Variants in CDHR2 observed in about 807,000 individuals in gnomAD.
CDHR2 encodes cadherin-related family member 2.
Under a neutral mutation model 138.6 loss-of-function variants are expected in CDHR2, and 104 were observed. That is an observed-to-expected ratio of 0.75 (90% CI 0.64 to 0.88). CDHR2 has a LOEUF of 0.88. Ranked by LOEUF, CDHR2 falls within the 40% of genes least tolerant of loss-of-function variation. CDHR2 has a pLI of 0.00. For missense variants in CDHR2, 1,624 were observed against 1,727.6 expected, an observed-to-expected ratio of 0.94 and a Z score of 1.06; for synonymous variants, 755 against 742.8, an observed-to-expected ratio of 1.02 and a Z score of -0.27.
At chr5:176,558,103 A>G (rs1757882304) in intron 1 of CDHR2, among the ~76,000 whole-genome samples, 2 of 152,070 alleles carry the variant, frequency 1.3e-5, no homozygotes, top group African/African-American at 4.8e-5. Flanking sequence ...TCCATCGACC[A>G]TGGGAACGGG....
At position 176,592,765 on chromosome 5, in the gene CDHR2, C is replaced by G; in HGVS notation, c.3777C>G (p.Asn1259Lys). ...LDDNSVDVDK[N>K]SQEIKEHRPP... ...ACAACTCTGTGGATGTGGACAAGAA[C>G]AGTCAGGAAATCAAGGCAAGATGGG... The change falls in exon 31 of 32, where the codon AAC (asparagine) becomes AAG (lysine). Residue 1259 changes from asparagine to lysine, a missense_variant. Around this residue, in one of 3 missense-constraint regions of CDHR2, gnomAD observed 556 missense variants for 565.7 expected, o/e 0.98. Coordinates refer to ENST00000261944, the MANE Select transcript of CDHR2 (RefSeq NM_017675.6). 1 of 1,613,830 alleles carries G rather than the reference C, an allele frequency of 6.2e-7. No individual in the cohort carries two copies. Among genetic ancestry groups the G allele is most frequent in the Non-Finnish European group, 8.5e-7 (1 of 1,179,834 alleles).
chr5:176,544,237 G>A (rs1757530015), intron 1 of CDHR2, among the ~76,000 whole-genome samples: 1 of 152,248 alleles, frequency 6.6e-6, no homozygotes, highest in African/African-American at 2.4e-5. Flanking sequence ...GCCACCTAAA[G>A]GAGAGCTTTA....
In CDHR2 at chr5:176,577,805, G is replaced by C; in HGVS notation, c.1512+7G>C. 2 of 1,613,796 alleles carry C rather than the reference G, an allele frequency of 1.2e-6. No homozygotes were observed. Among genetic ancestry groups the C allele is most frequent in the Non-Finnish European group, 1.7e-6 (2 of 1,179,816 alleles). ...GGTCACCGACAGCATCCACGTGAGT[G>C]ATGTGGACACAGTGGGGCTGTGGGG... On this transcript the variant is annotated splice_region_variant and intron_variant, in intron 14 of 31. Transcript: ENST00000261944.
At chr5:176,574,338 C>T (rs572426554) in intron 7 of CDHR2, among the ~76,000 whole-genome samples, 166 bp downstream of exon 7, 9 of 152,196 alleles carry the variant, frequency 5.9e-5, no homozygotes, top group Admixed American at 2.6e-4. Flanking sequence ...CCGGAAACCT[C>T]GCCTTGCCCG....
chr5:176,574,500 C>T (rs1014597772), intron 7 of CDHR2, among the ~76,000 whole-genome samples: 1 of 152,212 alleles, frequency 6.6e-6, no homozygotes, highest in Non-Finnish European at 1.5e-5. Context: ...TACCGAGCAC[C>T]AACCACGTGC....
At chr5:176,555,819 T>C (rs532523061) in intron 1 of CDHR2, among the ~76,000 whole-genome samples, 13 of 152,184 alleles carry the variant, frequency 8.5e-5, no homozygotes, top group African/African-American at 3.1e-4. Flanking sequence ...CAGACTCGGT[T>C]GAACCCGGGA....
chr5:176,586,028 A>G lies in CDHR2; in HGVS notation c.2806+3A>G. On this transcript the variant is annotated splice_donor_region_variant and intron_variant, in intron 20 of 31. Transcript: ENST00000261944. Reference sequence around the variant, plus strand: ...TCTGCCTGAGAATAAGACTTTTGGTAAGCAGCAACCCCATTCACACACCAT... The same window carrying G: ...TCTGCCTGAGAATAAGACTTTTGGTGAGCAGCAACCCCATTCACACACCAT... The G allele has an allele frequency of 6.2e-7, 1 of 1,613,074 alleles. No individual in the cohort carries two copies. Among genetic ancestry groups the G allele is most frequent in the Non-Finnish European group, 8.5e-7 (1 of 1,179,090 alleles).
At chr5:176,551,672 G>GACT (rs1757707205) in intron 1 of CDHR2, among the ~76,000 whole-genome samples, 1 of 147,746 alleles carries the variant, frequency 6.8e-6, no homozygotes, top group African/African-American at 2.5e-5. Context: ...TATTGGCCTG[G>GACT]ACTGCCACCA....
intron 30 of CDHR2, among the ~76,000 whole-genome samples, chr5:176,592,047 G>A (rs902022819): frequency 2.7e-5 from 4 of 149,174 alleles, no homozygotes; most frequent in African/African-American, 9.9e-5. Context: ...TGATGGTGGT[G>A]GTCATGGTGG....
intron 3 of CDHR2, 114 bp downstream of exon 3, chr5:176,565,857 A>T: frequency 1.3e-6 from 1 of 750,252 alleles, no homozygotes; most frequent in Non-Finnish European, 2.2e-6. Flanking sequence ...TTGTGGGACA[A>T]AGAGGGACTG....
In CDHR2 at chr5:176,553,900, A is replaced by C. The variant is rs1440257797; in HGVS notation, c.-16+4486A>C. ...TGGACCCTGCCTCCATGACCACCTC[A>C]CTCACTGCCCTTGACTCCAGCGCTA... On this transcript the variant is annotated intron_variant, in intron 1 of 31. Transcript: ENST00000261944. The surrounding 1 kb of genome is among the most constrained non-coding windows in gnomAD (Gnocchi z 4.3). Among the ~76,000 whole-genome samples, 2 of 151,768 alleles carry C rather than the reference A, an allele frequency of 1.3e-5. No individual in the cohort carries two copies. Among genetic ancestry groups the C allele is most frequent in the Non-Finnish European group, 2.9e-5 (2 of 67,934 alleles).
chr5:176,595,633 A>G lies in CDHR2; in HGVS notation c.3894A>G (p.Pro1298=). 2 of 1,611,056 alleles carry G rather than the reference A, an allele frequency of 1.2e-6. No homozygotes were observed. Among genetic ancestry groups the G allele is most frequent in the Non-Finnish European group, 1.7e-6 (2 of 1,178,448 alleles). The change falls in exon 32 of 32, where the codon CCA becomes CCG. Residue 1298 remains proline, a synonymous_variant. Coordinates refer to ENST00000261944, the MANE Select transcript of CDHR2 (RefSeq NM_017675.6). ...GCGCAAGTGGACAGCTGGAGGGGCC[A>G]TCCTACACCAACGCTGGCCTGGACA... ...QAGASGQLEG[P]SYTNAGLDTT... is the part of the protein sequence containing the mutation.
At chr5:176,566,591 A>G (rs1758088245) in intron 3 of CDHR2, among the ~76,000 whole-genome samples, 1 of 152,180 alleles carries the variant, frequency 6.6e-6, no homozygotes, top group Non-Finnish European at 1.5e-5. Flanking sequence ...CCCTCCCTGC[A>G]GGGCTTGAGG....
intron 1 of CDHR2, among the ~76,000 whole-genome samples, chr5:176,558,677 G>T (rs376784687): frequency 6.6e-6 from 1 of 151,906 alleles, no homozygotes; most frequent in Non-Finnish European, 1.5e-5. Flanking sequence ...GAGCCACCGC[G>T]CCTGGCTAAT....
At chr5:176,565,948 A>C (rs79396280) in intron 3 of CDHR2, among the ~76,000 whole-genome samples, 4,799 of 152,174 alleles carry the variant, frequency 0.032, 274 homozygotes, top group African/African-American at 0.11. Flanking sequence ...AAGGTGTGAG[A>C]CGCACCTCCA....
chr5:176,581,479 C>T lies in CDHR2; in HGVS notation c.1955C>T (p.Ala652Val). The T allele has an allele frequency of 6.2e-7, 1 of 1,614,180 alleles. No homozygotes were observed. Among genetic ancestry groups the T allele is most frequent in the Non-Finnish European group, 8.5e-7 (1 of 1,180,048 alleles). The change falls in exon 17 of 32, where the codon GCC becomes GTC. Residue 652 changes from alanine to valine, a missense_variant. Physicochemically the swap from Ala to Val is moderately conservative, Grantham distance 64. Coordinates refer to ENST00000261944, the MANE Select transcript of CDHR2 (RefSeq NM_017675.6). ...LRNLGPLDRE[A>V]IDPALEGRIV... is the part of the protein sequence containing the mutation. The stretch of plus-strand genomic sequence containing the variant: ...AACCTGGGGCCCCTGGACAGAGAGG[C>T]CATCGACCCCGCCCTGGAGGGCCGC...
chr5:176,566,300 A>C (rs1268697243), intron 3 of CDHR2, among the ~76,000 whole-genome samples: 1 of 152,236 alleles, frequency 6.6e-6, no homozygotes, highest in East Asian at 1.9e-4. Flanking sequence ...CAGGAACAGA[A>C]CACAGACATA....
At position 176,578,435 on chromosome 5, in the gene CDHR2, G is replaced by A; in HGVS notation, c.1645G>A (p.Glu549Lys). 6.2e-7 allele frequency: 1 copy of A among 1,614,104 alleles called. No individual in the cohort carries two copies. Among genetic ancestry groups the A allele is most frequent in the Non-Finnish European group, 8.5e-7 (1 of 1,180,018 alleles). ...TVRNGELLDR[E>K]SQAVYYLTLQ... The stretch of plus-strand genomic sequence containing the variant: ...GAGGAACGGTGAGCTGCTGGACCGG[G>A]AGAGCCAGGCCGTGTACTACCTGAC... Residue 549 changes from glutamate to lysine, a missense_variant, in exon 16 of 32, where the codon GAG (glutamate) becomes AAG (lysine). Physicochemically the swap from Glu to Lys is moderately conservative, Grantham distance 56. Coordinates refer to ENST00000261944, the MANE Select transcript of CDHR2 (RefSeq NM_017675.6).
At chr5:176,547,987 A>T (rs2913917), upstream of CDHR2, among the ~76,000 whole-genome samples, 145,873 of 152,238 alleles carry the variant, frequency 0.96, 70,209 homozygotes, top group East Asian at 1. Context: ...TTGTGTGAAC[A>T]TCACACAGTG....
Sources: allele counts gnomAD v4.1 joint callset (sites outside exome capture counted in the v4.1 genomes callset), GRCh38; gene constraint gnomAD v4.1.1; regional missense constraint gnomAD v4.1.1; non-coding constraint Gnocchi (gnomAD v3.1); transcripts MANE v1.5; gene names NCBI Gene and HGNC (gene_info 2026-07-23, HGNC 2026-07-21).